Variants in UNC13A observed in about 807,000 individuals in gnomAD.
UNC13A encodes protein unc-13 homolog A.
Under a neutral mutation model 219.7 loss-of-function variants are expected in UNC13A, and 61 were observed. The observed-to-expected ratio is 0.28, with a 90% CI of 0.23 to 0.34. The LOEUF (loss-of-function observed/expected upper bound fraction) is 0.34. UNC13A is among the 10% of genes least tolerant of loss of function. The pLI, the probability that UNC13A is intolerant of heterozygous loss-of-function variation, is 1.00. For synonymous variants in UNC13A, 920 were observed against 884.6 expected, an observed-to-expected ratio of 1.04 and a Z score of -0.71; for missense variants, 1,476 against 2,270.3, an observed-to-expected ratio of 0.65 and a Z score of 7.11.
rs979048200 is a variant in UNC13A at position 17,627,995 on chromosome 19, C to T, written c.3754-55G>A. 26 of 1,509,944 alleles carry T rather than the reference C, an allele frequency of 1.7e-5. No individual in the cohort carries two copies. In the Admixed American group the frequency reaches 4.3e-4, roughly 25 times the overall value. 93.5% of individuals were successfully genotyped at this position (1,509,944 alleles called of 1,614,324 possible). A position where few individuals can be genotyped will look rare whatever the true frequency, so the allele number is the denominator to read the frequency against. ...GCCTCAGGACCTCTCCCCAGAGCCT[C>T]CCCTACCCACCGCCAGGGACCTTGG... On this transcript the variant is annotated intron_variant, in intron 31 of 43. Transcript: ENST00000519716. This position sits in a 1 kb window ranked among gnomAD's most constrained non-coding sequence, Gnocchi z 4.7.
At position 17,657,531 on chromosome 19, in the gene UNC13A, C is replaced by T. The variant is rs150311460; in HGVS notation, c.767+531G>A. ...GGGGGACATAGGGGCCACCACTCAG[C>T]CCTCTTCTAACCATTCACTTAGTCA... On this transcript the variant is annotated intron_variant, in intron 9 of 43. Coordinates refer to ENST00000519716, the MANE Select transcript of UNC13A (RefSeq NM_001080421.3). Among the ~76,000 whole-genome samples, 54 of 152,272 alleles carry T rather than the reference C, an allele frequency of 3.5e-4. 1 individual carries two copies. Among genetic ancestry groups the T allele is most frequent in the African/African-American group, 1.3e-3 (53 of 41,546 alleles).
intron 31 of UNC13A, chr19:17,628,363 C>G (rs1469167518): frequency 9.3e-6 from 2 of 214,402 alleles, no homozygotes; most frequent in Non-Finnish European, 1.9e-5. Flanking sequence ...CAGATACACA[C>G]ACTCAGACAT....
chr19:17,658,607 G>A (rs1369029347), intron 8 of UNC13A, among the ~76,000 whole-genome samples: 1 of 151,790 alleles, frequency 6.6e-6, no homozygotes, highest in Non-Finnish European at 1.5e-5. Flanking sequence ...AATGACATGG[G>A]ATTTTTTTCC....
chr19:17,629,430 T>A (rs551936567), intron 30 of UNC13A, 107 bp from the exon 31 acceptor site: 1 of 1,015,018 alleles, frequency 9.9e-7, no homozygotes, highest in East Asian at 2.6e-5. Context: ...CAAACCCTAT[T>A]AGGACCTAAG....
Position 17,606,102 on chromosome 19 carries a change from C to T in UNC13A, c.5064G>A (p.Lys1688=), listed in dbSNP as rs753658542. 5.0e-5 allele frequency: 80 copies of T among 1,596,058 alleles called. 1 individual carries two copies. In the South Asian group the frequency reaches 6.2e-4, roughly 12 times the overall value. ...CCTCCTCGGCGGAGCGCGTGTCCGACTTGAGCTTCACGAACTCCTTGGCCA... is the reference window on the plus strand; with the variant it reads ...CCTCCTCGGCGGAGCGCGTGTCCGATTTGAGCTTCACGAACTCCTTGGCCA... ...DEVAKEFVKL[K]SDTRSAEEGG... is the part of the protein sequence containing the mutation. Residue 1688 remains lysine (K), a synonymous_variant, in exon 44 of 44, where the codon AAG becomes AAA. Transcript: ENST00000519716.
At position 17,664,413 on chromosome 19, in the gene UNC13A, C is replaced by T. The variant is rs544392726; in HGVS notation, c.524-846G>A. On this transcript the variant is annotated intron_variant, in intron 7 of 43. Coordinates refer to ENST00000519716, the MANE Select transcript of UNC13A (RefSeq NM_001080421.3). ...GGGCGAGAACCACCTTTGCCTATCA[C>T]GTGCAGTACCTGGCACTTCAGAAAA... 1.6e-4 allele frequency among the ~76,000 whole-genome samples: 24 copies of T among 152,340 alleles called. No homozygotes were observed. The South Asian group carries it at 4.1e-3, about 26-fold the overall frequency.
intron 8 of UNC13A, among the ~76,000 whole-genome samples, chr19:17,660,180 G>A (rs536300420): frequency 3.2e-4 from 49 of 152,212 alleles, no homozygotes; most frequent in African/African-American, 1.1e-3. Context: ...GGGATTAGCC[G>A]TGAGCCACCT....
At chr19:17,635,586 A>G (rs117366602) in intron 26 of UNC13A, among the ~76,000 whole-genome samples, 1,828 of 152,322 alleles carry the variant, frequency 0.012, 16 homozygotes, top group Non-Finnish European at 0.02. Context: ...TTTTACACAT[A>G]TACAAATTAA....
Position 17,630,706 on chromosome 19 carries a change from T to C in UNC13A, c.3473A>G (p.Glu1158Gly). Residue 1158 changes from glutamate to glycine, a missense_variant, in exon 29 of 44, where the codon GAG (glutamate) becomes GGG (glycine). By Grantham distance (98) the Glu-to-Gly change is moderately conservative. Transcript: ENST00000519716. ...ACCGTGCAGGAAATCCCGGGACACC[T>C]CCTCATTCTCATCCAGCCACTGGAT... is the stretch of plus-strand genomic sequence containing the variant. ...FVIQWLDENE[E>G]VSRDFLHGAL... 6.2e-7 allele frequency: 1 copy of C among 1,613,794 alleles called. No homozygotes were observed.
Position 17,656,246 on chromosome 19 carries a change from G to C in UNC13A, c.920C>G (p.Ser307Trp). Residue 307 changes from serine to tryptophan, a missense_variant, in exon 10 of 44, where the codon TCG (serine) becomes TGG (tryptophan). By Grantham distance (177) the Ser-to-Trp change is radical (BLOSUM62 -3). This residue lies in a region of UNC13A where 351 missense variants were observed against 342.6 expected (regional missense o/e 1.02). Transcript: ENST00000519716. ...DRDSYHSCHS[S>W]VSYHKDSPRW... ...AGGCGAGTCTTTGTGGTAGCTGACC[G>C]AGCTGTGGCAGGAGTGGTAGGAGTC... The C allele has an allele frequency of 6.4e-7, 1 of 1,552,094 alleles. No homozygotes were observed. The highest frequency in any genetic ancestry group is 8.7e-7 in the Non-Finnish European group (1 of 1,147,114).
Position 17,606,191 on chromosome 19 carries a change from T to A in UNC13A, c.4975A>T (p.Ile1659Phe). The change falls in exon 44 of 44, where the codon ATC becomes TTC. Residue 1659 changes from isoleucine to phenylalanine, a missense_variant. Coordinates refer to ENST00000519716, the MANE Select transcript of UNC13A (RefSeq NM_001080421.3). ...GTGAGGCCCGTGTCGTCCATGTGGA[T>A]GCGGCGGCCGAGCGGCAGCCAGCAG... ...AACWLPLGRRIHMDDTGLTVL... is the reference protein window; with the variant it reads ...AACWLPLGRRFHMDDTGLTVL... The A allele has an allele frequency of 6.4e-7, 1 of 1,556,424 alleles. No homozygotes were observed. The highest frequency in any genetic ancestry group is 8.7e-7 in the Non-Finnish European group (1 of 1,153,012).
At chr19:17,650,741 G>C (rs2079329008) in intron 12 of UNC13A, among the ~76,000 whole-genome samples, 1 of 151,536 alleles carries the variant, frequency 6.6e-6, no homozygotes, top group Admixed American at 6.6e-5. Flanking sequence ...GCCTCCCAAA[G>C]TGCTGAGATT....
intron 6 of UNC13A, among the ~76,000 whole-genome samples, chr19:17,667,148 G>A (rs2079669652): frequency 6.6e-6 from 1 of 152,098 alleles, no homozygotes; most frequent in Non-Finnish European, 1.5e-5. Context: ...TTACCCGGGA[G>A]GCCGAGGCAG....
In UNC13A at chr19:17,618,447, C is replaced by T. The variant is rs775593149; in HGVS notation, c.4384G>A (p.Val1462Ile). The T allele has an allele frequency of 1.6e-5, 26 of 1,589,434 alleles. No homozygotes were observed. The highest frequency in any genetic ancestry group is 2.2e-5 in the Non-Finnish European group (26 of 1,167,822). The change falls in exon 40 of 44, where the codon GTT (valine) becomes ATT (isoleucine). Residue 1462 changes from valine to isoleucine, a missense_variant. Coordinates refer to ENST00000519716, the MANE Select transcript of UNC13A (RefSeq NM_001080421.3). ...TTGATGGTGTCCAGGGCCAACTCAA[C>T]AACCGCGCACTGCTTTGGGGTCAAG... ...KSLTPKQCAV[V>I]ELALDTIKQY...
At chr19:17,610,705 T>C (rs1302643695) in intron 42 of UNC13A, among the ~76,000 whole-genome samples, 3 of 152,154 alleles carry the variant, frequency 2.0e-5, no homozygotes, top group Admixed American at 2.0e-4. Context: ...TTGTGGGGGC[T>C]GAGCTCTTTG....
Position 17,639,504 on chromosome 19 carries a change from G to A in UNC13A, c.2878C>T (p.Pro960Ser), listed in dbSNP as rs1227136255. Reference sequence around the variant, plus strand: ...GATTTGAGGTCCTGGAGTCTCTCCGGGCTGCTGGCTGGGAAGTTATTCTGT... The same window carrying A: ...GATTTGAGGTCCTGGAGTCTCTCCGAGCTGCTGGCTGGGAAGTTATTCTGT... ...MYRNNFPASS[P>S]ERLQDLKSTV... Residue 960 changes from proline to serine, a missense_variant, in exon 24 of 44, where the codon CCG (proline) becomes TCG (serine). Transcript: ENST00000519716. The A allele has an allele frequency of 6.2e-7, 1 of 1,613,394 alleles. No individual in the cohort carries two copies. Among genetic ancestry groups the A allele is most frequent in the East Asian group, 2.2e-5 (1 of 44,888 alleles).
chr19:17,658,133 G>A lies in UNC13A; in HGVS notation c.696C>T (p.Pro232=). The A allele has an allele frequency of 6.2e-7, 1 of 1,613,902 alleles. No individual in the cohort carries two copies. The highest frequency in any genetic ancestry group is 8.5e-7 in the Non-Finnish European group (1 of 1,179,876). Residue 232 remains proline, a synonymous_variant, in exon 9 of 44, where the codon CCC becomes CCT. Coordinates refer to ENST00000519716, the MANE Select transcript of UNC13A (RefSeq NM_001080421.3). The part of the protein sequence containing the change: ...SVHQYSVRPP[P]LGSRESYSDS... ...CACTGTAGGACTCCCGGGAGCCCAG[G>A]GGTGGTGGGCGAACAGAATATTGGT...
Position 17,644,699 on chromosome 19 carries a change from ATTTGTTTTT to A in UNC13A, c.2356+966_2356+974del, listed in dbSNP as rs545962888. ...GGCGTGAGACACTGCACCCGGCCAT[ATTTGTTTTT>A]TGAGAAAGGGTCTCACTCTGTTCCC... On this transcript the variant is annotated intron_variant, in intron 19 of 43. Coordinates refer to ENST00000519716, the MANE Select transcript of UNC13A (RefSeq NM_001080421.3). Among the ~76,000 whole-genome samples, 311 of 149,684 alleles carry A rather than the reference ATTTGTTTTT, an allele frequency of 2.1e-3. 2 individuals are homozygous for A. The highest frequency in any genetic ancestry group is 7.3e-3 in the African/African-American group (295 of 40,632).
chr19:17,646,269 G>GTGTTTGTGTGTTTGTT (rs35723230), intron 17 of UNC13A, among the ~76,000 whole-genome samples, 158 bp from the exon 18 acceptor site: 11,377 of 150,774 alleles, frequency 0.075, 481 homozygotes, highest in Non-Finnish European at 0.082. Context: ...GGTTTTTTGT[G>GTGTTTGTGTGTTTGTT]TGTTTGTTTG....
Sources: allele counts gnomAD v4.1 joint callset (sites outside exome capture counted in the v4.1 genomes callset), GRCh38; gene constraint gnomAD v4.1.1; regional missense constraint gnomAD v4.1.1; non-coding constraint Gnocchi (gnomAD v3.1); transcripts MANE v1.5; gene names NCBI Gene and HGNC (gene_info 2026-07-23, HGNC 2026-07-21).